Variants in CDX4 observed in about 807,000 individuals in gnomAD.
The protein encoded by CDX4 is homeobox protein CDX-4.
Under a neutral mutation model 14.1 loss-of-function variants are expected in CDX4, and 11 were observed. The ratio of observed to expected loss-of-function variants is 0.78; its 90% CI spans 0.49 to 1.29. CDX4 has a LOEUF of 1.29. Ranked by LOEUF, CDX4 falls within the 50% of genes most tolerant of loss-of-function variation. The pLI, the probability that CDX4 is intolerant of heterozygous loss-of-function variation, is 0.00. For missense variants in CDX4, 257 were observed against 237.4 expected, an observed-to-expected ratio of 1.08 and a Z score of -0.54; for synonymous variants, 100 against 93.5, an observed-to-expected ratio of 1.07 and a Z score of -0.40.
chrX:73,448,455 C>T, intron 1 of CDX4, among the ~76,000 whole-genome samples: 1 of 112,453 alleles, frequency 8.9e-6, no homozygotes, highest in East Asian at 2.8e-4. Context: ...CAGCACTGAC[C>T]TGGTACATAA....
At position 73,452,058 on chromosome X, in the gene CDX4, A is replaced by T. The variant is rs770105596; in HGVS notation, c.503-1459A>T. ...AAAAGGAGATTTTGTTCAGTTCATT[A>T]TTTAGCCATTTAGATTAATCTTAAA... On this transcript the variant is annotated intron_variant, in intron 1 of 2. Coordinates refer to ENST00000373514, the MANE Select transcript of CDX4 (RefSeq NM_005193.2). 7.5e-5 allele frequency among the ~76,000 whole-genome samples: 8 copies of T among 107,105 alleles called. No individual in the cohort carries two copies. In the East Asian group the frequency reaches 2.3e-3, roughly 31 times the overall value. The allele number at this position is 107,105 out of a possible 115,157, so 93.0% of individuals were successfully genotyped here.
rs1250867155 is a variant in CDX4, at chrX:73,454,891, A to G, written c.*306A>G. The stretch of plus-strand genomic sequence containing the variant: ...CACAATTTCAGAAACTTGCTTATGA[A>G]TAGACTGTAAAATACAATTTTGCCA... On this transcript the variant is annotated 3_prime_UTR_variant, in exon 3 of 3. Transcript: ENST00000373514. 25 of 217,442 alleles carry G rather than the reference A, an allele frequency of 1.1e-4. No homozygotes were observed. The highest frequency in any genetic ancestry group is 3.1e-3 in the Middle Eastern group (2 of 653). 17.9% of individuals were successfully genotyped at this position (217,442 alleles called of 1,213,427 possible). A position where few individuals can be genotyped will look rare whatever the true frequency, so the allele number is the denominator to read the frequency against.
Position 73,454,469 on chromosome X carries a change from C to A in CDX4, c.739C>A (p.Gln247Lys), listed in dbSNP as rs202058995. ...SQFENSGGSVQSDSDSISPGE... is the reference protein window; with the variant it reads ...SQFENSGGSVKSDSDSISPGE... The stretch of plus-strand genomic sequence containing the variant: ...GTTTGAGAATAGTGGAGGCTCGGTG[C>A]AAAGTGACTCTGACTCCATCAGCCC... The change falls in exon 3 of 3, where the codon CAA (glutamine) becomes AAA (lysine). Residue 247 changes from glutamine (Q) to lysine (K), a missense_variant. Physicochemically the swap from Gln to Lys is moderately conservative, Grantham distance 53. Transcript: ENST00000373514. The A allele has an allele frequency of 8.4e-7, 1 of 1,192,437 alleles. No homozygotes were observed. Among genetic ancestry groups the A allele is most frequent in the Non-Finnish European group, 1.1e-6 (1 of 883,311 alleles).
intron 1 of CDX4, 77 bp from the exon 2 acceptor site, chrX:73,453,440 G>T: frequency 1.2e-6 from 1 of 809,518 alleles, no homozygotes; most frequent in Admixed American, 3.4e-5. Flanking sequence ...GGTGGGAAGA[G>T]TGTCTATGAT....
intron 1 of CDX4, among the ~76,000 whole-genome samples, chrX:73,451,304 G>A (rs995328496): frequency 1.8e-5 from 2 of 111,517 alleles, no homozygotes; most frequent in East Asian, 2.8e-4. Context: ...TAAGAAGAAG[G>A]GGCAATGGGA....
chrX:73,453,095 T>C (rs778134773), intron 1 of CDX4, among the ~76,000 whole-genome samples: 1 of 111,999 alleles, frequency 8.9e-6, no homozygotes, highest in East Asian at 2.8e-4. Flanking sequence ...GGACAGCTGC[T>C]ATTACTGCCA....
Position 73,447,773 on chromosome X carries a change from A to T in CDX4, c.502+18A>T. On this transcript the variant is annotated intron_variant, in intron 1 of 2. Coordinates refer to ENST00000373514, the MANE Select transcript of CDX4 (RefSeq NM_005193.2). ...GGTGACGGGTGAGTAATCAATTCCAATGCCCACACACTTTTCCTTCCTTCC... is the reference window on the plus strand; with the variant it reads ...GGTGACGGGTGAGTAATCAATTCCATTGCCCACACACTTTTCCTTCCTTCC... 1 of 1,154,280 alleles carries T rather than the reference A, an allele frequency of 8.7e-7. No homozygotes were observed. Among genetic ancestry groups the T allele is most frequent in the Non-Finnish European group, 1.1e-6 (1 of 870,160 alleles).
rs1396908692 is a variant in CDX4 at position 73,448,780 on chromosome X, T to C, written c.502+1025T>C. ...TTATTATTCCAACCCTCGCTCCCTG[T>C]CATTAGAGAAAATTAGTAAAAATCG... On this transcript the variant is annotated intron_variant, in intron 1 of 2. Transcript: ENST00000373514. 3.6e-5 allele frequency among the ~76,000 whole-genome samples: 4 copies of C among 112,186 alleles called. No homozygotes were observed. In the East Asian group the frequency reaches 1.1e-3, roughly 32 times the overall value.
intron 1 of CDX4, among the ~76,000 whole-genome samples, chrX:73,449,888 G>GA (rs1210983611): frequency 5.4e-5 from 6 of 110,986 alleles, no homozygotes; most frequent in African/African-American, 9.8e-5. Flanking sequence ...TAAACCCCAC[G>GA]AAAAAAATTA....
rs1172097625 is a variant in CDX4 at position 73,453,537 on chromosome X, A to G, written c.523A>G (p.Lys175Glu). The stretch of plus-strand genomic sequence containing the variant: ...AACAGGGAAAACCAGGACAAAAGAA[A>G]AGTATCGTGTAGTTTACACTGATCA... Reference protein sequence around the residue: ...QVTGKTRTKEKYRVVYTDHQR... With the variant: ...QVTGKTRTKEEYRVVYTDHQR... Residue 175 changes from lysine to glutamate, a missense_variant, in exon 2 of 3, where the codon AAG (lysine) becomes GAG (glutamate). Transcript: ENST00000373514. 1 of 1,199,768 alleles carries G rather than the reference A, an allele frequency of 8.3e-7. No homozygotes were observed. Among genetic ancestry groups the G allele is most frequent in the East Asian group, 3.0e-5 (1 of 33,114 alleles).
At chrX:73,447,844 GC>G (rs2057076107) in intron 1 of CDX4, 89 bp downstream of exon 1, 2 of 1,049,652 alleles carry the variant, frequency 1.9e-6, no homozygotes, top group African/African-American at 3.8e-5. Context: ...TACTTCTCAG[GC>G]CTCTCCCAAG....
chrX:73,452,591 C>T (rs984155465), intron 1 of CDX4, among the ~76,000 whole-genome samples: 2 of 111,426 alleles, frequency 1.8e-5, no homozygotes, highest in Non-Finnish European at 3.8e-5. Context: ...GGAATACTCA[C>T]TTTATTCTGC....
intron 1 of CDX4, among the ~76,000 whole-genome samples, chrX:73,449,573 G>A (rs886607781): frequency 9.0e-6 from 1 of 111,640 alleles, no homozygotes; most frequent in Admixed American, 9.5e-5. Context: ...TCTATGAGAA[G>A]TTTAAAATGG....
Position 73,453,787 on chromosome X carries a change from A to G in CDX4, c.648+125A>G, listed in dbSNP as rs192865178. Reference sequence around the variant, plus strand: ...TAGCTTGCATTTCAACCACGTGTGAAGGCACATTGATATCGCTCTCTTCTA... The same window carrying G: ...TAGCTTGCATTTCAACCACGTGTGAGGGCACATTGATATCGCTCTCTTCTA... On this transcript the variant is annotated intron_variant, in intron 2 of 2. Coordinates refer to ENST00000373514, the MANE Select transcript of CDX4 (RefSeq NM_005193.2). The G allele has an allele frequency of 1.3e-3, 628 of 502,178 alleles. 1 individual carries two copies. Among genetic ancestry groups the G allele is most frequent in the African/African-American group, 8.8e-3 (346 of 39,246 alleles). The allele number at this position is 502,178 out of a possible 1,213,427, so 41.4% of individuals were successfully genotyped here. A position where few individuals can be genotyped will look rare whatever the true frequency, so the allele number is the denominator to read the frequency against.
rs200124261 is a variant in CDX4, at chrX:73,453,692, G to A, written c.648+30G>A. The A allele has an allele frequency of 2.1e-4, 243 of 1,139,951 alleles. No homozygotes were observed. The South Asian group carries it at 4.2e-3, about 20-fold the overall frequency. 93.9% of individuals were successfully genotyped at this position (1,139,951 alleles called of 1,213,427 possible). The stretch of plus-strand genomic sequence containing the variant: ...ACCAGAAGTATATCCAACATGTCCC[G>A]TATAGTCCATTTCAATAGAATCAGA... On this transcript the variant is annotated intron_variant, in intron 2 of 2. Coordinates refer to ENST00000373514, the MANE Select transcript of CDX4 (RefSeq NM_005193.2).
Position 73,447,598 on chromosome X carries a change from C to T in CDX4, c.345C>T (p.Asn115=). ...PAAFCSTDYS[N]LGPVGGGTSG... Reference sequence around the variant, plus strand: ...CTTTCTGCTCGACCGACTACAGCAACTTGGGCCCTGTGGGCGGTGGAACTA... The same window carrying T: ...CTTTCTGCTCGACCGACTACAGCAATTTGGGCCCTGTGGGCGGTGGAACTA... Residue 115 remains asparagine, a synonymous_variant, in exon 1 of 3, where the codon AAC becomes AAT. Transcript: ENST00000373514. 1 of 1,211,622 alleles carries T rather than the reference C, an allele frequency of 8.3e-7. No homozygotes were observed. The highest frequency in any genetic ancestry group is 1.7e-5 in the African/African-American group (1 of 57,865).
chrX:73,449,331 T>C (rs992055491), intron 1 of CDX4, among the ~76,000 whole-genome samples: 2 of 112,206 alleles, frequency 1.8e-5, no homozygotes, highest in African/African-American at 6.5e-5. Flanking sequence ...ATGGATGAGA[T>C]AAAAGAAATT....
chrX:73,452,616 C>T (rs1487334248), intron 1 of CDX4, among the ~76,000 whole-genome samples: 2 of 111,341 alleles, frequency 1.8e-5, no homozygotes, highest in African/African-American at 6.5e-5. Flanking sequence ...GTCAACACCT[C>T]CTCCTTCCCC....
chrX:73,447,783 A>G (rs1190386411), intron 1 of CDX4, 28 bp downstream of exon 1: 5 of 1,146,579 alleles, frequency 4.4e-6, no homozygotes, highest in East Asian at 3.0e-5. Flanking sequence ...ATGCCCACAC[A>G]CTTTTCCTTC....
Sources: allele counts gnomAD v4.1 joint callset (sites outside exome capture counted in the v4.1 genomes callset), GRCh38; gene constraint gnomAD v4.1.1; transcripts MANE v1.5; gene names NCBI Gene and HGNC (gene_info 2026-07-23, HGNC 2026-07-21).